Variants in KLHL29 observed in about 807,000 individuals in gnomAD.
KLHL29 encodes the protein kelch like family member 29, also known as kelch-like protein 29.
Under a neutral mutation model 80.4 loss-of-function variants are expected in KLHL29, and 21 were observed. The observed-to-expected ratio is 0.26, with a 90% CI of 0.19 to 0.38. KLHL29 has a LOEUF of 0.38. Ranked by LOEUF, KLHL29 falls within the 10% of genes least tolerant of loss-of-function variation. KLHL29 has a pLI of 1.00. For synonymous variants in KLHL29, 511 were observed against 526.8 expected, an observed-to-expected ratio of 0.97 and a Z score of 0.41; for missense variants, 867 against 1,223.9, an observed-to-expected ratio of 0.71 and a Z score of 4.35.
Position 23,529,980 on chromosome 2 carries a change from A to G in KLHL29, c.-45-32172A>G, listed in dbSNP as rs557409889. Among the ~76,000 whole-genome samples, 13 of 152,236 alleles carry G rather than the reference A, an allele frequency of 8.5e-5. No homozygotes were observed. In the South Asian group the frequency reaches 1.0e-3, roughly 12 times the overall value. ...AAGCTAGGTGTCAAACACAGCCATCAGGACCGGCTCAGCTGCGGCACTTCA... is the reference window on the plus strand; with the variant it reads ...AAGCTAGGTGTCAAACACAGCCATCGGGACCGGCTCAGCTGCGGCACTTCA... On this transcript the variant is annotated intron_variant, in intron 2 of 13. Coordinates refer to ENST00000486442, the MANE Select transcript of KLHL29 (RefSeq NM_052920.2).
At chr2:23,401,521 C>T (rs1360061485) in intron 1 of KLHL29, among the ~76,000 whole-genome samples, 1 of 152,132 alleles carries the variant, frequency 6.6e-6, no homozygotes, top group Non-Finnish European at 1.5e-5. Context: ...ATACAGGAGC[C>T]GAGGGCTATG....
chr2:23,498,093 GA>G (rs34046609), intron 2 of KLHL29, among the ~76,000 whole-genome samples: 1 of 152,108 alleles, frequency 6.6e-6, no homozygotes, highest in Non-Finnish European at 1.5e-5. Context: ...TTCTGTGTGT[GA>G]AAAAAGCACC....
chr2:23,391,897 T>C (rs1185098186), intron 1 of KLHL29, among the ~76,000 whole-genome samples: 1 of 152,252 alleles, frequency 6.6e-6, no homozygotes, highest in Non-Finnish European at 1.5e-5. Flanking sequence ...CGAGTGTCTC[T>C]GATCTCATGC....
In KLHL29 at chr2:23,699,195, C is replaced by T. The variant is rs555402693; in HGVS notation, c.2105+2682C>T. 3.3e-5 allele frequency among the ~76,000 whole-genome samples: 5 copies of T among 152,330 alleles called. No individual in the cohort carries two copies. In the South Asian group the frequency reaches 1.0e-3, roughly 32 times the overall value. On this transcript the variant is annotated intron_variant, in intron 11 of 13. Transcript: ENST00000486442. ...GCACGGGCTCTGGGAGGCCAGCTTC[C>T]TGGGCTCTGGGCTGTGACTGAGTTA...
At chr2:23,645,509 C>G (rs911538492) in intron 5 of KLHL29, among the ~76,000 whole-genome samples, 1 of 152,136 alleles carries the variant, frequency 6.6e-6, no homozygotes, top group East Asian at 1.9e-4. Context: ...GAAACCTTGC[C>G]CAGCATTATA....
At chr2:23,632,577 G>A (rs1669496959) in intron 3 of KLHL29, among the ~76,000 whole-genome samples, 1 of 152,250 alleles carries the variant, frequency 6.6e-6, no homozygotes, top group South Asian at 2.1e-4. Flanking sequence ...CGTAGCTGGT[G>A]TGATATGATT....
chr2:23,561,330 C>T (rs1157658115), intron 2 of KLHL29, among the ~76,000 whole-genome samples: 1 of 152,194 alleles, frequency 6.6e-6, no homozygotes, highest in Non-Finnish European at 1.5e-5. Context: ...AGAAGCCCTT[C>T]CAAGTATCAT....
chr2:23,581,769 A>G (rs1667988045), intron 3 of KLHL29, among the ~76,000 whole-genome samples: 1 of 138,062 alleles, frequency 7.2e-6, no homozygotes, highest in African/African-American at 2.7e-5. Flanking sequence ...TGGAGGTTGC[A>G]GTGAGCCAAG....
chr2:23,483,191 G>C (rs562095838), intron 2 of KLHL29, among the ~76,000 whole-genome samples: 1 of 152,302 alleles, frequency 6.6e-6, no homozygotes, highest in Admixed American at 6.5e-5. Flanking sequence ...GCACACACTT[G>C]AGGGGGTGAG....
chr2:23,581,842 A>AAAAAAC (rs1383093743), intron 3 of KLHL29, among the ~76,000 whole-genome samples: 11 of 151,818 alleles, frequency 7.2e-5, no homozygotes, highest in East Asian at 5.8e-4. Context: ...AAAAAAAAAA[A>AAAAAAC]AAAACTTTTA....
intron 5 of KLHL29, among the ~76,000 whole-genome samples, chr2:23,649,844 C>T (rs1469784342): frequency 6.6e-6 from 1 of 152,226 alleles, no homozygotes. Context: ...CGCTGTCTTC[C>T]TTCAGGAGCA....
intron 2 of KLHL29, among the ~76,000 whole-genome samples, chr2:23,514,139 G>A (rs1173061719): frequency 1.2e-4 from 18 of 152,206 alleles, no homozygotes. Flanking sequence ...CCTTTATGCA[G>A]TGCGTAGGCA....
chr2:23,478,836 G>A (rs1279488667), intron 2 of KLHL29, among the ~76,000 whole-genome samples: 3 of 152,018 alleles, frequency 2.0e-5, no homozygotes, highest in Admixed American at 6.5e-5. Flanking sequence ...CTGTGTCTTC[G>A]GAGGAGGTTG....
At chr2:23,504,458 A>G (rs926064382) in intron 2 of KLHL29, among the ~76,000 whole-genome samples, 2 of 152,172 alleles carry the variant, frequency 1.3e-5, no homozygotes, top group African/African-American at 2.4e-5. Flanking sequence ...GCTTTAGGCA[A>G]GGCCTCACCT....
intron 2 of KLHL29, among the ~76,000 whole-genome samples, chr2:23,523,396 A>G (rs1184426587): frequency 1.3e-5 from 2 of 152,256 alleles, no homozygotes; most frequent in African/African-American, 4.8e-5. Context: ...CAGTAAATGC[A>G]GGAGTCTCAT....
intron 3 of KLHL29, chr2:23,617,848 G>A (rs1460332096): frequency 6.6e-6 from 1 of 152,166 alleles, no homozygotes; most frequent in East Asian, 1.9e-4. Flanking sequence ...GAACATTTTT[G>A]CTGTTGTGGG....
chr2:23,490,107 C>T (rs534069887), intron 2 of KLHL29, among the ~76,000 whole-genome samples: 3 of 152,332 alleles, frequency 2.0e-5, no homozygotes, highest in South Asian at 2.1e-4. Context: ...CGCGTGCAGG[C>T]GCATACATTC....
intron 5 of KLHL29, among the ~76,000 whole-genome samples, chr2:23,662,979 C>T (rs986788876): frequency 1.3e-5 from 2 of 152,206 alleles, no homozygotes; most frequent in African/African-American, 4.8e-5. Flanking sequence ...ACTCTCTGCG[C>T]CTCATTTTCC....
intron 3 of KLHL29, among the ~76,000 whole-genome samples, chr2:23,573,148 T>C (rs1162417045): frequency 6.6e-6 from 1 of 152,212 alleles, no homozygotes; most frequent in Non-Finnish European, 1.5e-5. Context: ...TTTGCTGCAG[T>C]TACTGTGCCC....
Sources: allele counts gnomAD v4.1 joint callset (sites outside exome capture counted in the v4.1 genomes callset), GRCh38; gene constraint gnomAD v4.1.1; transcripts MANE v1.5; gene names NCBI Gene and HGNC (gene_info 2026-07-23, HGNC 2026-07-21).